Variants in COQ5 observed in about 807,000 individuals in gnomAD.
The protein encoded by COQ5 is coenzyme Q5, methyltransferase.
COQ5 carries 27 observed loss-of-function variants against 40.5 expected under a neutral mutation model. The observed-to-expected ratio is 0.67, with a 90% CI of 0.49 to 0.92. The LOEUF is 0.92. Among genes scored for constraint, COQ5 ranks in the 40% least tolerant of loss-of-function variants. The pLI, the probability that COQ5 is intolerant of heterozygous loss-of-function variation, is 0.00. For missense variants in COQ5, 409 were observed against 406.4 expected, an observed-to-expected ratio of 1.01 and a Z score of -0.06; for synonymous variants, 141 against 150.0, an observed-to-expected ratio of 0.94 and a Z score of 0.44.
intron 2 of COQ5, among the ~76,000 whole-genome samples, chr12:120,520,170 G>A (rs1477273427): frequency 2.6e-5 from 4 of 151,310 alleles, no homozygotes; most frequent in Non-Finnish European, 5.9e-5. Flanking sequence ...TTGAGACAGA[G>A]TCTTGCTCTG....
chr12:120,513,780 A>G (rs2137083689), intron 3 of COQ5, among the ~76,000 whole-genome samples: 1 of 152,096 alleles, frequency 6.6e-6, no homozygotes, highest in South Asian at 2.1e-4. Context: ...TCAGCCTCCC[A>G]AAGTGCTGGG....
chr12:120,518,102 T>C lies in COQ5; in HGVS notation c.353-1314A>G, dbSNP rs181066846. Among the ~76,000 whole-genome samples, 3 of 152,166 alleles carry C rather than the reference T, an allele frequency of 2.0e-5. No homozygotes were observed. The East Asian group carries it at 5.8e-4, about 30-fold the overall frequency. On this transcript the variant is annotated intron_variant, in intron 2 of 6. Coordinates refer to ENST00000288532, the MANE Select transcript of COQ5 (RefSeq NM_032314.4). Reference sequence around the variant, plus strand: ...GATTACAGGCATGAGCCATTGCGCCTGGCCCTATATTTCCTTTCTTATAAT... The same window carrying C: ...GATTACAGGCATGAGCCATTGCGCCCGGCCCTATATTTCCTTTCTTATAAT...
At chr12:120,516,233 C>T (rs1869367144) in intron 3 of COQ5, among the ~76,000 whole-genome samples, 1 of 152,204 alleles carries the variant, frequency 6.6e-6, no homozygotes, top group Admixed American at 6.6e-5. Context: ...AGCAAAACTT[C>T]TGTCTCAGGG....
intron 5 of COQ5, 182 bp downstream of exon 5, chr12:120,504,713 T>C (rs981749373): frequency 9.3e-6 from 6 of 643,984 alleles, no homozygotes; most frequent in Non-Finnish European, 1.7e-5. Flanking sequence ...TATACATATG[T>C]AAGCCAACTT....
At chr12:120,507,972 T>C (rs1868954208) in intron 4 of COQ5, among the ~76,000 whole-genome samples, 2 of 151,846 alleles carry the variant, frequency 1.3e-5, no homozygotes, top group South Asian at 4.2e-4. Flanking sequence ...CAAGAAATAT[T>C]TGTTTACTTT....
At chr12:120,521,739 G>A (rs1447040598) in intron 2 of COQ5, among the ~76,000 whole-genome samples, 1 of 151,464 alleles carries the variant, frequency 6.6e-6, no homozygotes, top group Non-Finnish European at 1.5e-5. Context: ...GTTCATGCCT[G>A]TAATCCCAGC....
intron 1 of COQ5, 171 bp from the exon 2 acceptor site, chr12:120,522,534 A>C (rs1869718289): frequency 3.2e-6 from 2 of 634,624 alleles, no homozygotes; most frequent in Non-Finnish European, 5.5e-6. Context: ...CTCTTTATTG[A>C]TTTATTTTTT....
chr12:120,524,030 A>G, intron 1 of COQ5: 2 of 296,578 alleles, frequency 6.7e-6, no homozygotes, highest in Non-Finnish European at 1.4e-5. Context: ...TGAAAGATGC[A>G]TGATTAATGG....
chr12:120,513,839 T>C (rs1224010122), intron 3 of COQ5, among the ~76,000 whole-genome samples: 2 of 152,118 alleles, frequency 1.3e-5, no homozygotes, highest in Admixed American at 1.3e-4. Flanking sequence ...CTTTTATATT[T>C]ATTAAATAAT....
At chr12:120,517,181 T>C (rs10774553) in intron 2 of COQ5, among the ~76,000 whole-genome samples, 39,440 of 151,826 alleles carry the variant, frequency 0.26, 5,973 homozygotes, top group East Asian at 0.5. Flanking sequence ...ACCCCGTCTC[T>C]ACATTTTTAA....
At chr12:120,514,290 A>G (rs577811704) in intron 3 of COQ5, among the ~76,000 whole-genome samples, 27 of 152,122 alleles carry the variant, frequency 1.8e-4, no homozygotes, top group African/African-American at 6.3e-4. Flanking sequence ...AAGAGGAGGA[A>G]GATTTGAGCT....
intron 1 of COQ5, 152 bp downstream of exon 1, chr12:120,528,788 G>C (rs1224984885): frequency 4.0e-6 from 3 of 741,462 alleles, no homozygotes; most frequent in Non-Finnish European, 7.0e-6. Flanking sequence ...TGGGCAACAA[G>C]AGCGAAATTC....
At chr12:120,523,109 C>T (rs4767911) in intron 1 of COQ5, 94,279 of 318,640 alleles carry the variant, frequency 0.3, 15,379 homozygotes, top group East Asian at 0.52. Flanking sequence ...GAGGCTGAGG[C>T]GGGCGGATCA....
chr12:120,522,918 G>A, intron 1 of COQ5: 1 of 695,822 alleles, frequency 1.4e-6, no homozygotes, highest in South Asian at 1.6e-5. Context: ...GTCAGCACGT[G>A]CACTCGTGGC....
intron 2 of COQ5, among the ~76,000 whole-genome samples, chr12:120,518,235 G>C (rs1005257027): frequency 2.6e-5 from 4 of 152,072 alleles, no homozygotes; most frequent in Non-Finnish European, 4.4e-5. Context: ...AGACCAGCCT[G>C]GGTAACATGG....
chr12:120,525,270 T>C (rs1410158476), intron 1 of COQ5, among the ~76,000 whole-genome samples: 1 of 152,082 alleles, frequency 6.6e-6, no homozygotes, highest in Non-Finnish European at 1.5e-5. Context: ...TGGCTAATTT[T>C]TGTATTTTTA....
chr12:120,526,698 A>ATTTTTTTTTTTTTTTTTTTTTTTT lies in COQ5; in HGVS notation c.202+2218_202+2241dup, dbSNP rs61584250. On this transcript the variant is annotated intron_variant, in intron 1 of 6. Transcript: ENST00000288532. ...AATAGTGCTCAAACTACTCTTGGCA[A>ATTTTTTTTTTTTTTTTTTTTTTTT]TTTTTTTTTTTTTTTTTTTTTTTTT... Among the ~76,000 whole-genome samples, 14 of 64,088 alleles carry ATTTTTTTTTTTTTTTTTTTTTTTT rather than the reference A, an allele frequency of 2.2e-4. 3 individuals carry two copies. Among genetic ancestry groups the ATTTTTTTTTTTTTTTTTTTTTTTT allele is most frequent in the African/African-American group, 1.2e-3 (14 of 12,154 alleles). 42.0% of individuals were successfully genotyped at this position (64,088 alleles called of 152,430 possible). A position where few individuals can be genotyped will look rare whatever the true frequency, so the allele number is the denominator to read the frequency against.
At chr12:120,522,565 T>G in intron 1 of COQ5, 1 of 648,568 alleles carries the variant, frequency 1.5e-6, no homozygotes, top group Admixed American at 2.5e-5. Context: ...CAGATTTATT[T>G]GTACAAATAG....
At chr12:120,519,471 A>T (rs367733243) in intron 2 of COQ5, among the ~76,000 whole-genome samples, 16 of 152,280 alleles carry the variant, frequency 1.1e-4, no homozygotes, top group Middle Eastern at 3.4e-3. Context: ...AAGGCATGAG[A>T]ATCACTTTAA....
Sources: allele counts gnomAD v4.1 joint callset (sites outside exome capture counted in the v4.1 genomes callset), GRCh38; gene constraint gnomAD v4.1.1; transcripts MANE v1.5; gene names NCBI Gene and HGNC (gene_info 2026-07-23, HGNC 2026-07-21).